The following RAB5IF variants were observed in gnomAD, a reference collection of about 807,000 sequenced individuals.
RAB5IF encodes the protein RAB5 interacting factor, also known as GEL complex subunit OPTI.
Under a neutral mutation model 20.3 loss-of-function variants are expected in RAB5IF, and 15 were observed. That is an observed-to-expected ratio of 0.74 (90% CI 0.50 to 1.14). RAB5IF has a LOEUF of 1.14. RAB5IF is among the 50% of genes most tolerant of loss of function. The pLI, the probability that RAB5IF is intolerant of heterozygous loss-of-function variation, is 0.00. For missense variants in RAB5IF, 148 were observed against 159.5 expected (o/e 0.93, Z 0.39); for synonymous variants, 67 against 63.7 (o/e 1.05, Z -0.25).
chr20:36,609,585 T>G lies in RAB5IF; in HGVS notation c.219-16T>G. The G allele has an allele frequency of 6.4e-7, 1 of 1,566,740 alleles. No individual in the cohort carries two copies. Among genetic ancestry groups the G allele is most frequent in the Non-Finnish European group, 8.6e-7 (1 of 1,157,890 alleles). Reference sequence around the variant, plus strand: ...GCTTTCAATTTATGTTTGGTACTTGTTCTCTGTTGCTCCAGATTCTGCCTG... The same window carrying G: ...GCTTTCAATTTATGTTTGGTACTTGGTCTCTGTTGCTCCAGATTCTGCCTG... On this transcript the variant is annotated splice_polypyrimidine_tract_variant and intron_variant, in intron 2 of 3. Coordinates refer to ENST00000344795, the MANE Select transcript of RAB5IF (RefSeq NM_018840.5).
intron 1 of RAB5IF, among the ~76,000 whole-genome samples, 194 bp from the exon 2 acceptor site, chr20:36,607,521 C>T (rs1449894039): frequency 6.6e-6 from 1 of 152,132 alleles, no homozygotes; most frequent in Non-Finnish European, 1.5e-5. Flanking sequence ...TCAGCCACCA[C>T]GCCCAGCCCC....
chr20:36,612,199 G>A lies in RAB5IF; in HGVS notation c.*148G>A, dbSNP rs1440297079. ...GCGAATCAGTGTGTTGGGCATCAGT[G>A]TTTTCTGCAAGGGTTGTGACCTGAA... On this transcript the variant is annotated 3_prime_UTR_variant, in exon 4 of 4. Coordinates refer to ENST00000344795, the MANE Select transcript of RAB5IF (RefSeq NM_018840.5). The A allele has an allele frequency of 6.2e-7, 1 of 1,614,196 alleles. No individual in the cohort carries two copies. The highest frequency in any genetic ancestry group is 2.2e-5 in the East Asian group (1 of 44,890).
chr20:36,609,696 AG>A lies in RAB5IF; in HGVS notation c.316del (p.Glu106LysfsTer4). 6.2e-7 allele frequency: 1 copy of A among 1,614,220 alleles called. No individual in the cohort carries two copies. The highest frequency in any genetic ancestry group is 8.5e-7 in the Non-Finnish European group (1 of 1,180,018). On this transcript the variant is annotated frameshift_variant, in exon 3 of 4. Transcript: ENST00000344795. LOFTEE classifies it high-confidence loss of function. ...EEYGGTWELT[K>X]EGFMTSFALF... is the part of the protein sequence containing the mutation. ...TATGGTGGCACGTGGGAGCTCACGAAGGAAGGGTTTATGACCTCTTTTGCCT... is the reference window on the plus strand; with the variant it reads ...TATGGTGGCACGTGGGAGCTCACGAAGAAGGGTTTATGACCTCTTTTGCCT...
intron 1 of RAB5IF, 41 bp downstream of exon 1, chr20:36,606,106 G>T (rs780035255): frequency 2.8e-5 from 34 of 1,219,098 alleles, no homozygotes; most frequent in Non-Finnish European, 3.6e-5. Context: ...CGAGGAGTCG[G>T]CTGGGACTCG....
chr20:36,609,193 A>G (rs1368601261), intron 2 of RAB5IF, among the ~76,000 whole-genome samples: 1 of 62,262 alleles, frequency 1.6e-5, no homozygotes, highest in South Asian at 6.0e-4. Context: ...ACACACACAC[A>G]CGCACACACG....
At chr20:36,609,097 C>T (rs1248645885) in intron 2 of RAB5IF, among the ~76,000 whole-genome samples, 2 of 150,898 alleles carry the variant, frequency 1.3e-5, no homozygotes, top group Non-Finnish European at 2.9e-5. Context: ...CATGTCAGGT[C>T]CCGCTTGGGA....
In RAB5IF at chr20:36,612,532, G is replaced by A; in HGVS notation, c.*481G>A. On this transcript the variant is annotated 3_prime_UTR_variant, in exon 4 of 4. Transcript: ENST00000344795. ...CATTGTAGAATGTTTTCACATACTTGAATAAATCAAATCTTTAATTGAGAA... is the reference window on the plus strand; with the variant it reads ...CATTGTAGAATGTTTTCACATACTTAAATAAATCAAATCTTTAATTGAGAA... The A allele has an allele frequency of 2.6e-6, 1 of 388,800 alleles. No individual in the cohort carries two copies. Among genetic ancestry groups the A allele is most frequent in the Non-Finnish European group, 4.8e-6 (1 of 207,430 alleles). The allele number at this position is 388,800 out of a possible 1,614,324, so 24.1% of individuals were successfully genotyped here.
Position 36,609,191 on chromosome 20 carries a change from ACAC to A in RAB5IF, c.219-409_219-407del, listed in dbSNP as rs1568595430. On this transcript the variant is annotated intron_variant, in intron 2 of 3. Coordinates refer to ENST00000344795, the MANE Select transcript of RAB5IF (RefSeq NM_018840.5). ...CACACACACACACACACACACACAC[ACAC>A]GCACACACGCACACACGCACACACG... Among the ~76,000 whole-genome samples, 60 of 52,672 alleles carry A rather than the reference ACAC, an allele frequency of 1.1e-3. 4 individuals are homozygous for A. The Middle Eastern group carries it at 0.021, about 19-fold the overall frequency. 34.6% of individuals were successfully genotyped at this position (52,672 alleles called of 152,430 possible). A position where few individuals can be genotyped will look rare whatever the true frequency, so the allele number is the denominator to read the frequency against.
Position 36,609,587 on chromosome 20 carries a change from C to G in RAB5IF, c.219-14C>G. ...TTTCAATTTATGTTTGGTACTTGTTCTCTGTTGCTCCAGATTCTGCCTGAT... is the reference window on the plus strand; with the variant it reads ...TTTCAATTTATGTTTGGTACTTGTTGTCTGTTGCTCCAGATTCTGCCTGAT... On this transcript the variant is annotated splice_polypyrimidine_tract_variant and intron_variant, in intron 2 of 3. Coordinates refer to ENST00000344795, the MANE Select transcript of RAB5IF (RefSeq NM_018840.5). 1 of 1,567,570 alleles carries G rather than the reference C, an allele frequency of 6.4e-7. No homozygotes were observed. Among genetic ancestry groups the G allele is most frequent in the Non-Finnish European group, 8.6e-7 (1 of 1,158,264 alleles).
intron 3 of RAB5IF, among the ~76,000 whole-genome samples, chr20:36,611,179 G>A (rs1480055350): frequency 2.0e-5 from 3 of 152,054 alleles, no homozygotes; most frequent in African/African-American, 7.2e-5. Flanking sequence ...TAGTAGAAAT[G>A]GGGTTTCATC....
Position 36,605,981 on chromosome 20 carries a change from G to C in RAB5IF, c.30G>C (p.Pro10=). The C allele has an allele frequency of 1.3e-6, 2 of 1,518,900 alleles. No individual in the cohort carries two copies. The highest frequency in any genetic ancestry group is 1.8e-6 in the Non-Finnish European group (2 of 1,130,442). 94.1% of individuals were successfully genotyped at this position (1,518,900 alleles called of 1,614,324 possible). A position where few individuals can be genotyped will look rare whatever the true frequency, so the allele number is the denominator to read the frequency against. MSGGRRKEE[P]PQPQLANGAL... is the part of the protein sequence containing the mutation. ...GCGGCGGGCGGCGGAAGGAGGAGCC[G>C]CCTCAGCCGCAGCTGGCCAACGGGG... The change falls in exon 1 of 4, where the codon CCG becomes CCC. Residue 10 remains proline (P), a synonymous_variant. Coordinates refer to ENST00000344795, the MANE Select transcript of RAB5IF (RefSeq NM_018840.5).
At chr20:36,608,693 AG>A (rs1418948667) in intron 2 of RAB5IF, among the ~76,000 whole-genome samples, 1 of 151,186 alleles carries the variant, frequency 6.6e-6, no homozygotes, top group Non-Finnish European at 1.5e-5. Context: ...ACTCCCAAGT[AG>A]CTGGGACTAC....
chr20:36,611,798 A>C (rs2039128658), intron 3 of RAB5IF, among the ~76,000 whole-genome samples: 1 of 152,116 alleles, frequency 6.6e-6, no homozygotes. Context: ...GGAGCTTATC[A>C]GGAGTTCCTT....
intron 2 of RAB5IF, among the ~76,000 whole-genome samples, chr20:36,609,185 ACACACACACG>A (rs1299850785): frequency 6.3e-5 from 3 of 47,954 alleles, no homozygotes; most frequent in South Asian, 8.1e-4. Context: ...ACACACACAC[ACACACACACG>A]CACACACGCA....
chr20:36,607,695 AT>A lies in RAB5IF; in HGVS notation c.115-16del. 1 of 1,613,218 alleles carries A rather than the reference AT, an allele frequency of 6.2e-7. No homozygotes were observed. Among genetic ancestry groups the A allele is most frequent in the Non-Finnish European group, 8.5e-7 (1 of 1,179,480 alleles). On this transcript the variant is annotated intron_variant, in intron 1 of 3. Coordinates refer to ENST00000344795, the MANE Select transcript of RAB5IF (RefSeq NM_018840.5). Reference sequence around the variant, plus strand: ...GGCACCCACTCCAGATAATTCTTGCATTTTCTGTCTTTTCTACAGGATGAAT... The same window carrying A: ...GGCACCCACTCCAGATAATTCTTGCATTTCTGTCTTTTCTACAGGATGAAT...
chr20:36,609,251 ACACACT>A (rs1568595778), intron 2 of RAB5IF, among the ~76,000 whole-genome samples: 1 of 134,938 alleles, frequency 7.4e-6, no homozygotes, highest in African/African-American at 3.2e-5. Context: ...ACACACACAC[ACACACT>A]ATATATAGAG....
At chr20:36,611,876 C>G in intron 3 of RAB5IF, 134 bp from the exon 4 acceptor site, 1 of 1,153,670 alleles carries the variant, frequency 8.7e-7, no homozygotes, top group Non-Finnish European at 1.3e-6. Context: ...TAATTTAGAC[C>G]CCCCAAGCAG....
At chr20:36,608,000 G>A in intron 2 of RAB5IF, 182 bp downstream of exon 2, 1 of 1,472,768 alleles carries the variant, frequency 6.8e-7, no homozygotes, top group Non-Finnish European at 9.1e-7. Flanking sequence ...GAGCATCTCA[G>A]GTCAGGCAGG....
chr20:36,608,490 CT>C (rs1452657235), intron 2 of RAB5IF, among the ~76,000 whole-genome samples: 10 of 151,648 alleles, frequency 6.6e-5, no homozygotes, highest in Admixed American at 4.6e-4. Flanking sequence ...AGTGATCCTC[CT>C]TTCTTGGCCT....
Sources: gnomAD v4.1 joint callset for allele counts (sites outside exome capture counted in the v4.1 genomes callset) on GRCh38, gnomAD v4.1.1 for gene constraint, MANE v1.5 for transcripts, NCBI Gene and HGNC (gene_info 2026-07-23, HGNC 2026-07-21) for gene names.